Variants in UBE3B observed in about 807,000 individuals in gnomAD.
The protein encoded by UBE3B is ubiquitin-protein ligase E3B.
A neutral mutation model predicts 132.3 loss-of-function variants in UBE3B; 80 were observed. The observed-to-expected ratio is 0.60, with a 90% CI of 0.50 to 0.73. UBE3B has a LOEUF of 0.73. UBE3B is among the 30% of genes least tolerant of loss of function. The pLI, the probability that UBE3B is intolerant of heterozygous loss-of-function variation, is 0.00. For synonymous variants in UBE3B, 487 were observed against 520.4 expected, an observed-to-expected ratio of 0.94 and a Z score of 0.87; for missense variants, 1,196 against 1,362.5, an observed-to-expected ratio of 0.88 and a Z score of 1.92.
rs200727329 is a variant in UBE3B, at chr12:109,530,087, G to T, written c.2810+15G>T. On this transcript the variant is annotated intron_variant, in intron 25 of 27. Coordinates refer to ENST00000342494, the MANE Select transcript of UBE3B (RefSeq NM_130466.4). ...GAAGATTTAAAGTAAGAGGCGGGTG[G>T]GGGGAAGGGTGAAATTCCTTGGCCT... is the stretch of plus-strand genomic sequence containing the variant. The T allele has an allele frequency of 8.7e-4, 1,406 of 1,611,892 alleles. 12 individuals are homozygous for T. The Middle Eastern group carries it at 0.016, about 19-fold the overall frequency.
chr12:109,508,881 G>A (rs1325505405), intron 15 of UBE3B: 1 of 410,650 alleles, frequency 2.4e-6, no homozygotes, highest in African/African-American at 2.2e-5. Flanking sequence ...ACTAGTATGT[G>A]TCTTAGATAT....
chr12:109,512,383 G>A (rs1463689117), intron 18 of UBE3B, among the ~76,000 whole-genome samples: 7 of 152,106 alleles, frequency 4.6e-5, no homozygotes, highest in South Asian at 2.1e-4. Context: ...CCACACACCC[G>A]GGGGATGAGA....
Position 109,534,113 on chromosome 12 carries a change from C to T in UBE3B, c.3016-478C>T. 2 of 1,295,390 alleles carry T rather than the reference C, an allele frequency of 1.5e-6. No homozygotes were observed. Among genetic ancestry groups the T allele is most frequent in the South Asian group, 2.5e-5 (2 of 81,006 alleles). The allele number at this position is 1,295,390 out of a possible 1,614,324, so 80.2% of individuals were successfully genotyped here. A position where few individuals can be genotyped will look rare whatever the true frequency, so the allele number is the denominator to read the frequency against. ...CAGTGGCCGCCTCTGGGTGTAGCTG[C>T]CTCTCATGATGCAGTTTGAGCCCGT... On this transcript the variant is annotated intron_variant, in intron 27 of 27. Transcript: ENST00000342494. This position sits in a 1 kb window ranked among gnomAD's most constrained non-coding sequence, Gnocchi z 5.2.
At chr12:109,489,548 G>A (rs950791863) in intron 7 of UBE3B, among the ~76,000 whole-genome samples, 1 of 152,216 alleles carries the variant, frequency 6.6e-6, no homozygotes, top group Non-Finnish European at 1.5e-5. Context: ...TCAGTTCTGG[G>A]CCCTGCTGGG....
intron 19 of UBE3B, chr12:109,520,765 C>A (rs139938449): frequency 7.1e-6 from 1 of 140,982 alleles, no homozygotes; most frequent in Non-Finnish European, 1.5e-5. Context: ...TTTCTTTTTT[C>A]TTTTTTTTAC....
intron 24 of UBE3B, among the ~76,000 whole-genome samples, chr12:109,526,849 C>T (rs573114657): frequency 2.1e-4 from 31 of 145,768 alleles, no homozygotes; most frequent in African/African-American, 4.0e-4. Flanking sequence ...CCAGCCTGGG[C>T]GACAGAGTGA....
At position 109,498,085 on chromosome 12, in the gene UBE3B, A is replaced by G. The variant is rs1878466735; in HGVS notation, c.820-148A>G. 14 of 1,347,894 alleles carry G rather than the reference A, an allele frequency of 1.0e-5. No homozygotes were observed. In the South Asian group the frequency reaches 1.9e-4, roughly 18 times the overall value. 83.5% of individuals were successfully genotyped at this position (1,347,894 alleles called of 1,614,324 possible). ...AGACACATTTGTGTTAGTAGCCCAA[A>G]GAAGTGGGTTCTTGTCTGTCCATTT... On this transcript the variant is annotated intron_variant, in intron 10 of 27. Coordinates refer to ENST00000342494, the MANE Select transcript of UBE3B (RefSeq NM_130466.4).
chr12:109,510,595 G>A, intron 17 of UBE3B, 137 bp downstream of exon 17: 1 of 692,436 alleles, frequency 1.4e-6, no homozygotes, highest in Non-Finnish European at 2.5e-6. Context: ...TGTGTAAAGA[G>A]AGCTGCTGTC....
chr12:109,524,324 GTT>G, intron 22 of UBE3B, 112 bp from the exon 23 acceptor site: 2 of 1,436,292 alleles, frequency 1.4e-6, no homozygotes, highest in South Asian at 2.4e-5. Flanking sequence ...GCGTCAAGCT[GTT>G]CAGCAGCCAT....
chr12:109,534,084 A>C lies in UBE3B; in HGVS notation c.3016-507A>C. 1 of 1,294,330 alleles carries C rather than the reference A, an allele frequency of 7.7e-7. No individual in the cohort carries two copies. The highest frequency in any genetic ancestry group is 1.0e-6 in the Non-Finnish European group (1 of 992,692). The allele number at this position is 1,294,330 out of a possible 1,614,324, so 80.2% of individuals were successfully genotyped here. ...AAATGAGAGTCCTACTCCCCATAAAAACCCAGTGGCCGCCTCTGGGTGTAG... is the reference window on the plus strand; with the variant it reads ...AAATGAGAGTCCTACTCCCCATAAACACCCAGTGGCCGCCTCTGGGTGTAG... On this transcript the variant is annotated intron_variant, in intron 27 of 27. Coordinates refer to ENST00000342494, the MANE Select transcript of UBE3B (RefSeq NM_130466.4). This position sits in a 1 kb window ranked among gnomAD's most constrained non-coding sequence, Gnocchi z 5.2.
chr12:109,547,286 G>T, the UBE3B span, among the ~76,000 whole-genome samples: 2 of 152,158 alleles, frequency 1.3e-5, no homozygotes, highest in Non-Finnish European at 2.9e-5. The surrounding 1 kb of genome is among the most constrained non-coding windows in gnomAD (Gnocchi z 4.1). Flanking sequence ...TTCTCATCAC[G>T]ACCTGGAGCA....
Position 109,521,422 on chromosome 12 carries a change from C to T in UBE3B, c.2254-19C>T, listed in dbSNP as rs1273267454. ...CAAGGCACTTGACCTCTGCCTCTCC[C>T]CGTCTTTTTGCCTTGCAGACAACCA... On this transcript the variant is annotated intron_variant, in intron 20 of 27. Coordinates refer to ENST00000342494, the MANE Select transcript of UBE3B (RefSeq NM_130466.4). The surrounding 1 kb of genome is among the most constrained non-coding windows in gnomAD (Gnocchi z 4.2). The T allele has an allele frequency of 8.2e-6, 13 of 1,580,246 alleles. No homozygotes were observed. Among genetic ancestry groups the T allele is most frequent in the African/African-American group, 1.3e-5 (1 of 74,264 alleles).
intron 22 of UBE3B, among the ~76,000 whole-genome samples, 159 bp downstream of exon 22, chr12:109,524,274 C>G (rs900669162): frequency 1.3e-5 from 2 of 152,232 alleles, no homozygotes; most frequent in Middle Eastern, 3.2e-3. Context: ...GGGGCTGATC[C>G]TCACAACCTC....
rs535545422 is a variant in UBE3B at position 109,510,415 on chromosome 12, G to C, written c.1813G>C (p.Asp605His). 3 of 1,613,176 alleles carry C rather than the reference G, an allele frequency of 1.9e-6. No individual in the cohort carries two copies. In the South Asian group the frequency reaches 3.3e-5, roughly 18 times the overall value. Residue 605 changes from aspartate (D) to histidine (H), a missense_variant, in exon 17 of 28, where the codon GAC (aspartate) becomes CAC (histidine). Physicochemically the swap from Asp to His is moderately conservative, Grantham distance 81. Coordinates refer to ENST00000342494, the MANE Select transcript of UBE3B (RefSeq NM_130466.4). The stretch of plus-strand genomic sequence containing the variant: ...GTGGCTTATGGTGCTGTACGAGCGG[G>C]ACTGCCGGCGGCGCTTCACCCCCGA... ...HGWLMVLYER[D>H]CRRRFTPEDH...
chr12:109,486,623 G>A (rs769242775), intron 6 of UBE3B, 48 bp downstream of exon 6: 23 of 1,417,928 alleles, frequency 1.6e-5, no homozygotes, highest in Admixed American at 2.1e-5. Context: ...GAAACAGTAC[G>A]TATGTCATTT....
Position 109,534,651 on chromosome 12 carries a change from C to T in UBE3B, c.3076C>T (p.Pro1026Ser). 1 of 1,611,720 alleles carries T rather than the reference C, an allele frequency of 6.2e-7. No homozygotes were observed. Among genetic ancestry groups the T allele is most frequent in the Non-Finnish European group, 8.5e-7 (1 of 1,178,990 alleles). ...RGFFTIRKRE[P>S]GGRLPTSSTC... ...CTTCTTCACCATCCGCAAGCGGGAG[C>T]CAGGCGGCCGCCTGCCCACCTCCTC... Residue 1026 changes from proline (P) to serine (S), a missense_variant, in exon 28 of 28, where the codon CCA (proline) becomes TCA (serine). Pro to Ser is a moderately conservative substitution (Grantham distance 74). Transcript: ENST00000342494. The surrounding 1 kb of genome is among the most constrained non-coding windows in gnomAD (Gnocchi z 5.2).
At chr12:109,486,724 C>T (rs140630274) in intron 6 of UBE3B, 149 bp downstream of exon 6, 24 of 681,048 alleles carry the variant, frequency 3.5e-5, no homozygotes, top group African/African-American at 1.6e-4. Context: ...AATTTTGATT[C>T]TGTTATCAAT....
chr12:109,513,377 GTTC>G (rs1335588611), intron 18 of UBE3B, among the ~76,000 whole-genome samples: 1 of 152,214 alleles, frequency 6.6e-6, no homozygotes, highest in East Asian at 1.9e-4. Context: ...GTTCAGAGTA[GTTC>G]GTGGTTTCAA....
intron 2 of UBE3B, among the ~76,000 whole-genome samples, 175 bp from the exon 3 acceptor site, chr12:109,483,356 A>T (rs11066845): frequency 0.067 from 10,267 of 152,146 alleles, 371 homozygotes; most frequent in South Asian, 0.11. Flanking sequence ...TGCATGAAAG[A>T]GCCTATAGGA....
Sources: allele counts gnomAD v4.1 joint callset (sites outside exome capture counted in the v4.1 genomes callset), GRCh38; gene constraint gnomAD v4.1.1; non-coding constraint Gnocchi (gnomAD v3.1); transcripts MANE v1.5; gene names NCBI Gene and HGNC (gene_info 2026-07-23, HGNC 2026-07-21).